PCDH15: variants seen among roughly 807,000 people sequenced by gnomAD.
PCDH15 encodes the protein protocadherin related 15.
A neutral mutation model predicts 178.5 loss-of-function variants in PCDH15; 129 were observed. The observed-to-expected ratio is 0.72, with a 90% CI of 0.63 to 0.84. The LOEUF (loss-of-function observed/expected upper bound fraction) is 0.84. Among genes scored for constraint, PCDH15 ranks in the 40% least tolerant of loss-of-function variants. The probability of loss-of-function intolerance (pLI) is 0.00; values close to 1 mark genes in which losing one functional copy is unlikely to be tolerated. For missense variants in PCDH15, 2,230 were observed against 2,099.9 expected, an observed-to-expected ratio of 1.06 and a Z score of -1.21; for synonymous variants, 800 against 732.0, an observed-to-expected ratio of 1.09 and a Z score of -1.50.
intron 2 of PCDH15, among the ~76,000 whole-genome samples, chr10:54,661,046 C>T (rs543293707): frequency 6.6e-4 from 100 of 151,892 alleles, no homozygotes; most frequent in Non-Finnish European, 1.2e-3. Flanking sequence ...TGGCCACTCT[C>T]AGCAATCAGG....
Position 54,907,341 on chromosome 10 carries a change from ATGTAT to A in PCDH15, c.-79-9846_-79-9842del, listed in dbSNP as rs1295799568. Among the ~76,000 whole-genome samples the A allele has an allele frequency of 2.0e-5, 3 of 152,198 alleles. No individual in the cohort carries two copies. The East Asian group carries it at 5.8e-4, about 29-fold the overall frequency. ...TTTCTTCTTTTTTATATTCTCCAAA[ATGTAT>A]TGAGAAGAAACTGAATCAGAAAACA... On this transcript the variant is annotated intron_variant, in intron 2 of 5. Coordinates refer to the PCDH15 transcript ENST00000458638.
chr10:55,012,428 CCTAA>C (rs2131944475), intron 2 of PCDH15, among the ~76,000 whole-genome samples: 1 of 152,130 alleles, frequency 6.6e-6, no homozygotes, highest in Admixed American at 6.5e-5. Flanking sequence ...AATTTAGCTA[CCTAA>C]CTGTGGCCAT....
At chr10:54,857,607 G>A (rs1166904746) in intron 3 of PCDH15, among the ~76,000 whole-genome samples, 1 of 149,370 alleles carries the variant, frequency 6.7e-6, no homozygotes, top group Non-Finnish European at 1.5e-5. Context: ...CGCCATGCCT[G>A]GCTAATTTTT....
intron 1 of PCDH15, among the ~76,000 whole-genome samples, chr10:55,285,148 A>G (rs1298591512): frequency 1.4e-5 from 2 of 146,700 alleles, no homozygotes; most frequent in East Asian, 4.0e-4. Flanking sequence ...TTGTATTTAT[A>G]TGGTAAATAC....
In PCDH15 at chr10:54,718,140, T is replaced by C. The variant is rs1052224642; in HGVS notation, c.-28-53850A>G. On this transcript the variant is annotated intron_variant, in intron 1 of 37. Coordinates refer to ENST00000644397, the MANE Select transcript of PCDH15 (RefSeq NM_001384140.1). ...GTGCGGGGAGAGGGGAGGGATAGCATTGGGAGATATACCTAATGCTAGGTG... is the reference window on the plus strand; with the variant it reads ...GTGCGGGGAGAGGGGAGGGATAGCACTGGGAGATATACCTAATGCTAGGTG... 6.0e-5 allele frequency among the ~76,000 whole-genome samples: 9 copies of C among 148,894 alleles called. 1 individual carries two copies. Among genetic ancestry groups the C allele is most frequent in the Non-Finnish European group, 1.0e-4 (7 of 67,330 alleles).
Position 54,183,256 on chromosome 10 carries a change from C to A in PCDH15, c.1590+188G>T, listed in dbSNP as rs187539365. On this transcript the variant is annotated intron_variant, in intron 13 of 37. Coordinates refer to ENST00000644397, the MANE Select transcript of PCDH15 (RefSeq NM_001384140.1). ...AAAGTGCTGGGATTACAGGCGTGAG[C>A]CACCATGCCTGGCGGATATGCTTTT... 5.9e-5 allele frequency among the ~76,000 whole-genome samples: 9 copies of A among 152,306 alleles called. No homozygotes were observed. In the East Asian group the frequency reaches 1.7e-3, roughly 29 times the overall value.
Position 54,869,623 on chromosome 10 carries a change from G to A in PCDH15, c.-29+27827C>T, listed in dbSNP as rs568230798. 4.6e-5 allele frequency among the ~76,000 whole-genome samples: 7 copies of A among 152,212 alleles called. No homozygotes were observed. In the East Asian group the frequency reaches 9.7e-4, roughly 21 times the overall value. On this transcript the variant is annotated intron_variant, in intron 3 of 5. Transcript: ENST00000458638. ...ATCTTAATTTCCTCATGTAAAATGA[G>A]AATAAGAATTGTATTTTCTTCATAT... is the stretch of plus-strand genomic sequence containing the variant.
intron 1 of PCDH15, among the ~76,000 whole-genome samples, chr10:54,726,177 T>C (rs901878067): frequency 6.6e-6 from 1 of 151,502 alleles, no homozygotes; most frequent in Non-Finnish European, 1.5e-5. Context: ...TAAAAATATA[T>C]TGACCACAGT....
At chr10:54,308,303 G>A (rs186853336) in intron 8 of PCDH15, among the ~76,000 whole-genome samples, 7 of 152,018 alleles carry the variant, frequency 4.6e-5, no homozygotes, top group Non-Finnish European at 8.8e-5. Context: ...TAGCTCAAAG[G>A]TTAATTTAAA....
chr10:54,839,566 G>A (rs949223127), intron 3 of PCDH15, among the ~76,000 whole-genome samples: 2 of 152,052 alleles, frequency 1.3e-5, no homozygotes, highest in African/African-American at 4.8e-5. Flanking sequence ...CCAGAAAAAG[G>A]AGAGAGAGAA....
At chr10:54,271,522 A>G (rs139421451) in intron 8 of PCDH15, among the ~76,000 whole-genome samples, 78 of 152,234 alleles carry the variant, frequency 5.1e-4, no homozygotes, top group African/African-American at 1.6e-3. Context: ...CAATATTCTT[A>G]CATTTAAAGA....
At chr10:53,834,144 C>T (rs1319797075) in intron 29 of PCDH15, among the ~76,000 whole-genome samples, 1 of 152,040 alleles carries the variant, frequency 6.6e-6, no homozygotes, top group Non-Finnish European at 1.5e-5. Context: ...CTGCTATACT[C>T]CAGTTGGACT....
chr10:53,829,366 T>C lies in PCDH15; in HGVS notation c.4203-793A>G, dbSNP rs561225224. On this transcript the variant is annotated intron_variant, in intron 30 of 37. Coordinates refer to ENST00000644397, the MANE Select transcript of PCDH15 (RefSeq NM_001384140.1). ...AGTATTTGTTGTATTTCAGACTACCTTGTATAACATCCAGAGCGCTTCAGT... is the reference window on the plus strand; with the variant it reads ...AGTATTTGTTGTATTTCAGACTACCCTGTATAACATCCAGAGCGCTTCAGT... Among the ~76,000 whole-genome samples, 6 of 152,322 alleles carry C rather than the reference T, an allele frequency of 3.9e-5. No individual in the cohort carries two copies. In the South Asian group the frequency reaches 1.2e-3, roughly 32 times the overall value.
chr10:54,146,083 A>G (rs2043877738), intron 14 of PCDH15, among the ~76,000 whole-genome samples: 1 of 152,110 alleles, frequency 6.6e-6, no homozygotes, highest in South Asian at 2.1e-4. Flanking sequence ...CAAGAGACTA[A>G]TATTTGTGGG....
At chr10:54,308,266 C>G (rs1306366800) in intron 8 of PCDH15, among the ~76,000 whole-genome samples, 2 of 151,978 alleles carry the variant, frequency 1.3e-5, no homozygotes, top group Non-Finnish European at 2.9e-5. Flanking sequence ...ACATCTTTTA[C>G]TTTTGTGTGT....
At chr10:55,486,281 A>C (rs943632397) in intron 2 of PCDH15, among the ~76,000 whole-genome samples, 1 of 151,776 alleles carries the variant, frequency 6.6e-6, no homozygotes, top group African/African-American at 2.4e-5. Flanking sequence ...CAAGAAATAA[A>C]AAGCAAATAC....
intron 16 of PCDH15, among the ~76,000 whole-genome samples, chr10:54,081,280 A>G (rs528730762): frequency 1.0e-4 from 15 of 149,506 alleles, no homozygotes; most frequent in Admixed American, 2.7e-4. Flanking sequence ...TAAATAATCT[A>G]TATCGCCTCC....
At chr10:54,322,914 A>G (rs1352178234) in intron 7 of PCDH15, among the ~76,000 whole-genome samples, 2 of 152,152 alleles carry the variant, frequency 1.3e-5, no homozygotes, top group Non-Finnish European at 2.9e-5. Flanking sequence ...CTGTCAATAC[A>G]GTAAACAGAA....
intron 2 of PCDH15, among the ~76,000 whole-genome samples, chr10:54,917,438 C>A (rs1419997411): frequency 6.6e-6 from 1 of 152,142 alleles, no homozygotes; most frequent in Non-Finnish European, 1.5e-5. Context: ...GGACTCCTTC[C>A]TTACCACCAG....
Sources: gnomAD v4.1 joint callset for allele counts (sites outside exome capture counted in the v4.1 genomes callset) on GRCh38, gnomAD v4.1.1 for gene constraint, MANE v1.5 for transcripts, NCBI Gene and HGNC (gene_info 2026-07-23, HGNC 2026-07-21) for gene names.